Variants in SEC11A observed in about 807,000 individuals in gnomAD.
The protein encoded by SEC11A is SEC11 homolog A, signal peptidase complex subunit.
Under a neutral mutation model 25.6 loss-of-function variants are expected in SEC11A, and 14 were observed. That is an observed-to-expected ratio of 0.55 (90% confidence interval 0.36 to 0.85). The LOEUF is 0.85. Ranked by LOEUF, SEC11A falls within the 40% of genes least tolerant of loss-of-function variation. The pLI is 0.01. For missense variants in SEC11A, 153 were observed against 222.9 expected (o/e 0.69, Z 2.00); for synonymous variants, 83 against 76.4 (o/e 1.09, Z -0.45).
rs1355185783 is a variant in SEC11A, at chr15:84,671,005, A to G, written c.432-223T>C. 6 of 358,790 alleles carry G rather than the reference A, an allele frequency of 1.7e-5. No homozygotes were observed. In the East Asian group the frequency reaches 2.0e-4, roughly 12 times the overall value. The allele number at this position is 358,790 out of a possible 1,614,324, so 22.2% of individuals were successfully genotyped here. On this transcript the variant is annotated intron_variant, in intron 4 of 5. Transcript: ENST00000268220. ...AAACAGATGATCATGCCCAAGGTACATGGTTTCTGTGTGGCAGAACCAGCA... is the reference window on the plus strand; with the variant it reads ...AAACAGATGATCATGCCCAAGGTACGTGGTTTCTGTGTGGCAGAACCAGCA...
chr15:84,702,052 C>T (rs748184502), intron 1 of SEC11A, among the ~76,000 whole-genome samples: 21 of 150,918 alleles, frequency 1.4e-4, no homozygotes, highest in African/African-American at 4.1e-4. Context: ...GGAGACACAG[C>T]GAGAGTCTGT....
intron 2 of SEC11A, among the ~76,000 whole-genome samples, chr15:84,690,617 T>TA (rs11321670): frequency 6.6e-6 from 1 of 151,292 alleles, no homozygotes; most frequent in African/African-American, 2.4e-5. Context: ...ACCCCATCTT[T>TA]AAAAAAAATA....
At chr15:84,689,962 A>G (rs1216093684) in intron 2 of SEC11A, among the ~76,000 whole-genome samples, 1 of 152,116 alleles carries the variant, frequency 6.6e-6, no homozygotes, top group Admixed American at 6.6e-5. Flanking sequence ...GAGTTACTAA[A>G]TTAGGTTTTA....
At chr15:84,712,576 T>G (rs1299412348) in intron 1 of SEC11A, among the ~76,000 whole-genome samples, 6 of 151,440 alleles carry the variant, frequency 4.0e-5, no homozygotes, top group Non-Finnish European at 8.8e-5. Context: ...GCCTCCTGAG[T>G]AGCTGGGATT....
At chr15:84,702,711 T>C (rs1206172583) in intron 1 of SEC11A, among the ~76,000 whole-genome samples, 2 of 152,186 alleles carry the variant, frequency 1.3e-5, no homozygotes, top group African/African-American at 2.4e-5. Flanking sequence ...CAAGAAGAAA[T>C]AGACAACCTG....
At chr15:84,701,476 T>C (rs1018168320) in intron 1 of SEC11A, among the ~76,000 whole-genome samples, 1 of 151,862 alleles carries the variant, frequency 6.6e-6, no homozygotes, top group African/African-American at 2.4e-5. Flanking sequence ...TAATAGATAC[T>C]TATATTTTAT....
At chr15:84,695,434 G>C (rs1897738808) in intron 1 of SEC11A, among the ~76,000 whole-genome samples, 1 of 151,672 alleles carries the variant, frequency 6.6e-6, no homozygotes, top group African/African-American at 2.4e-5. Context: ...TTGCACTCCA[G>C]CCTGGGCAAC....
At chr15:84,700,116 G>A (rs1897885297) in intron 1 of SEC11A, among the ~76,000 whole-genome samples, 3 of 151,896 alleles carry the variant, frequency 2.0e-5, no homozygotes, top group Admixed American at 2.0e-4. Context: ...CTGTAACCCA[G>A]AATAAAGCTC....
chr15:84,713,901 ACT>A (rs1898370437), intron 1 of SEC11A, among the ~76,000 whole-genome samples: 1 of 152,090 alleles, frequency 6.6e-6, no homozygotes, highest in Non-Finnish European at 1.5e-5. Flanking sequence ...TAATGCCCTG[ACT>A]GGAACCTCTC....
intron 4 of SEC11A, among the ~76,000 whole-genome samples, chr15:84,677,558 C>T (rs1208455624): frequency 6.6e-6 from 1 of 151,104 alleles, no homozygotes; most frequent in Non-Finnish European, 1.5e-5. Context: ...CTGCAAGCTC[C>T]ACCTCCCGGG....
In SEC11A at chr15:84,679,148, T is replaced by C. The variant is rs571303605; in HGVS notation, c.431+1565A>G. On this transcript the variant is annotated intron_variant, in intron 4 of 5. Coordinates refer to ENST00000268220, the MANE Select transcript of SEC11A (RefSeq NM_014300.4). The stretch of plus-strand genomic sequence containing the variant: ...CTTTTTGATTATTGATATTTTCTTA[T>C]GTTTCTACATGAATCTGTACATTTA... 110 of 466,312 alleles carry C rather than the reference T, an allele frequency of 2.4e-4. 1 individual carries two copies. Among genetic ancestry groups the C allele is most frequent in the South Asian group, 2.3e-3 (98 of 43,266 alleles). The allele number at this position is 466,312 out of a possible 1,614,324, so 28.9% of individuals were successfully genotyped here. A position where few individuals can be genotyped will look rare whatever the true frequency, so the allele number is the denominator to read the frequency against.
intron 4 of SEC11A, among the ~76,000 whole-genome samples, chr15:84,678,884 C>T (rs1393416154): frequency 1.3e-5 from 2 of 151,792 alleles, no homozygotes; most frequent in African/African-American, 4.8e-5. Context: ...ATCCCAGCTA[C>T]TCGGGAGGCT....
chr15:84,703,212 G>A (rs1897999708), intron 1 of SEC11A, among the ~76,000 whole-genome samples: 1 of 152,068 alleles, frequency 6.6e-6, no homozygotes, highest in South Asian at 2.1e-4. Flanking sequence ...CTTGACCATG[G>A]GCCAAGTTAC....
intron 1 of SEC11A, among the ~76,000 whole-genome samples, chr15:84,713,835 C>T (rs904864026): frequency 2.0e-5 from 3 of 152,116 alleles, no homozygotes; most frequent in African/African-American, 7.2e-5. Context: ...AAAGATGAAG[C>T]TATTAAGGTC....
chr15:84,715,767 C>A (rs183348512), intron 1 of SEC11A, among the ~76,000 whole-genome samples: 2 of 152,222 alleles, frequency 1.3e-5, no homozygotes, highest in Admixed American at 6.5e-5. Context: ...TCCATTTGCT[C>A]CCCTGCCTCA....
At chr15:84,704,056 T>C (rs1898026116) in intron 1 of SEC11A, among the ~76,000 whole-genome samples, 1 of 152,118 alleles carries the variant, frequency 6.6e-6, no homozygotes, top group Non-Finnish European at 1.5e-5. Context: ...ACTGAGTGAC[T>C]ACCCTGCCAA....
intron 1 of SEC11A, among the ~76,000 whole-genome samples, chr15:84,705,411 A>C (rs1231048515): frequency 3.3e-5 from 5 of 152,122 alleles, no homozygotes; most frequent in African/African-American, 1.2e-4. Context: ...GGTAATGTCT[A>C]ATGTTCTCCA....
chr15:84,701,840 T>C (rs1897952823), intron 1 of SEC11A, among the ~76,000 whole-genome samples: 1 of 151,668 alleles, frequency 6.6e-6, no homozygotes, highest in South Asian at 2.1e-4. Context: ...GAGGCCAAGG[T>C]GGGCGGATCA....
chr15:84,695,088 TAAAAAAAAAA>T (rs55789527), intron 1 of SEC11A, among the ~76,000 whole-genome samples: 8 of 26,940 alleles, frequency 3.0e-4, no homozygotes, highest in East Asian at 4.2e-3. Context: ...AGACTCCATC[TAAAAAAAAAA>T]AAAAAAAAAA....
Sources: gnomAD v4.1 joint callset for allele counts (sites outside exome capture counted in the v4.1 genomes callset) on GRCh38, gnomAD v4.1.1 for gene constraint, MANE v1.5 for transcripts, NCBI Gene and HGNC (gene_info 2026-07-23, HGNC 2026-07-21) for gene names.